Variants in YARS1 observed in about 807,000 individuals in gnomAD.
The protein encoded by YARS1 is tyrosyl-tRNA synthetase 1.
YARS1 carries 36 observed loss-of-function variants against 62.2 expected under a neutral mutation model. The observed-to-expected ratio is 0.58, with a 90% CI of 0.44 to 0.76. The LOEUF is 0.76. YARS1 is among the 30% of genes least tolerant of loss of function. The probability of loss-of-function intolerance (pLI) is 0.00; values close to 1 mark genes in which losing one functional copy is unlikely to be tolerated. For synonymous variants in YARS1, 234 were observed against 244.9 expected, an observed-to-expected ratio of 0.96 and a Z score of 0.42; for missense variants, 524 against 639.8, an observed-to-expected ratio of 0.82 and a Z score of 1.95.
At chr1:32,803,738 CTTTTT>C (rs1282400425) in intron 4 of YARS1, among the ~76,000 whole-genome samples, 7 of 147,712 alleles carry the variant, frequency 4.7e-5, no homozygotes, top group Admixed American at 4.7e-4. Flanking sequence ...TCACCTTGCA[CTTTTT>C]TTTTTTAATA....
chr1:32,786,487 G>T (rs1382623777), intron 7 of YARS1, 40 bp from the exon 8 acceptor site: 2 of 1,536,628 alleles, frequency 1.3e-6, no homozygotes, highest in East Asian at 4.5e-5. Flanking sequence ...CTCATTGACA[G>T]CATTCCTAGC....
intron 1 of YARS1, among the ~76,000 whole-genome samples, chr1:32,813,896 A>G (rs1638638774): frequency 7.7e-6 from 1 of 129,594 alleles, no homozygotes; most frequent in Non-Finnish European, 1.7e-5. Context: ...TTTTATTCTT[A>G]GTTTTCCTCG....
chr1:32,778,573 A>T (rs1652944059), intron 12 of YARS1, among the ~76,000 whole-genome samples: 1 of 150,328 alleles, frequency 6.7e-6, no homozygotes, highest in Admixed American at 6.6e-5. Flanking sequence ...CGCCCGGCCG[A>T]TTTTTTTCTA....
intron 3 of YARS1, 122 bp downstream of exon 3, chr1:32,810,469 G>T: frequency 2.3e-6 from 3 of 1,298,156 alleles, no homozygotes; most frequent in South Asian, 1.2e-5. Flanking sequence ...AGTTTTAAAT[G>T]GTTCTTAATA....
At chr1:32,803,866 TC>T in intron 4 of YARS1, among the ~76,000 whole-genome samples, 1 of 152,112 alleles carries the variant, frequency 6.6e-6, no homozygotes. Context: ...TCTCTGGTTT[TC>T]CTAGGCAGAG....
intron 6 of YARS1, chr1:32,790,788 C>T: frequency 3.9e-6 from 1 of 253,932 alleles, no homozygotes; most frequent in South Asian, 4.5e-5. Flanking sequence ...AAGAGGGACT[C>T]TTAAATATTA....
At chr1:32,803,363 C>A (rs1424266098) in intron 4 of YARS1, among the ~76,000 whole-genome samples, 1 of 150,342 alleles carries the variant, frequency 6.7e-6, no homozygotes, top group East Asian at 2.0e-4. Context: ...AACTCCTGGC[C>A]TCAAGTGATT....
chr1:32,808,367 C>T (rs750211312), intron 3 of YARS1, among the ~76,000 whole-genome samples: 14 of 151,748 alleles, frequency 9.2e-5, no homozygotes, highest in Non-Finnish European at 1.8e-4. Context: ...TACAGGCGTG[C>T]ACCACCACAC....
chr1:32,787,130 CAACT>C, intron 6 of YARS1, 55 bp from the exon 7 acceptor site: 2 of 1,608,814 alleles, frequency 1.2e-6, no homozygotes, highest in African/African-American at 1.3e-5. Context: ...AGAATATGCT[CAACT>C]AATATAAGTT....
At chr1:32,781,339 C>T (rs1206003412) in intron 9 of YARS1, 194 bp from the exon 10 acceptor site, 2 of 627,762 alleles carry the variant, frequency 3.2e-6, no homozygotes, top group Non-Finnish European at 5.8e-6. Flanking sequence ...CATCTGTTCT[C>T]TCCCTCAATT....
intron 5 of YARS1, among the ~76,000 whole-genome samples, chr1:32,796,851 G>C (rs1653598700): frequency 6.8e-6 from 1 of 147,534 alleles, no homozygotes; most frequent in Non-Finnish European, 1.5e-5. Context: ...TGTAATCCCA[G>C]CTACTCGGCA....
intron 8 of YARS1, among the ~76,000 whole-genome samples, chr1:32,785,994 G>A (rs1442050905): frequency 6.6e-6 from 1 of 151,720 alleles, no homozygotes; most frequent in East Asian, 1.9e-4. Flanking sequence ...TCTACTGAAT[G>A]AGTACTGCTT....
At position 32,775,919 on chromosome 1, in the gene YARS1, A is replaced by T; in HGVS notation, c.*62T>A. On this transcript the variant is annotated 3_prime_UTR_variant, in exon 13 of 13. Transcript: ENST00000373477. ...AGATGGGTAAATGGGTGATGGATGGAGCAGACTGAAGAGACAGCAGATGAC... is the reference window on the plus strand; with the variant it reads ...AGATGGGTAAATGGGTGATGGATGGTGCAGACTGAAGAGACAGCAGATGAC... The T allele has an allele frequency of 7.1e-7, 1 of 1,405,084 alleles. No homozygotes were observed. Among genetic ancestry groups the T allele is most frequent in the East Asian group, 2.3e-5 (1 of 43,848 alleles). The allele number at this position is 1,405,084 out of a possible 1,614,324, so 87.0% of individuals were successfully genotyped here. A position where few individuals can be genotyped will look rare whatever the true frequency, so the allele number is the denominator to read the frequency against.
Position 32,806,491 on chromosome 1 carries a change from G to A in YARS1, c.501C>T (p.Pro167=), listed in dbSNP as rs555572061. The A allele has an allele frequency of 2.1e-5, 34 of 1,614,074 alleles. No homozygotes were observed. Among genetic ancestry groups the A allele is most frequent in the East Asian group, 4.5e-5 (2 of 44,880 alleles). The change falls in exon 4 of 13, where the codon CCC becomes CCT. Residue 167 remains proline, a synonymous_variant. Coordinates refer to ENST00000373477, the MANE Select transcript of YARS1 (RefSeq NM_003680.4). ...CATCCCCCTTAAGTACCTGCAGTCC[G>A]GGGTATAAGAGGCCACTCAGCAAAG... ...EHPLLSGLLY[P]GLQALDEEYL... is the part of the protein sequence containing the mutation.
chr1:32,775,997 C>T lies in YARS1; in HGVS notation c.1571G>A (p.Gly524Glu), dbSNP rs201687117. ...CTGGGCTGGCTAGCTAATGTTCCCC[C>T]CTTTCAGCGATTTACAGGAAATGGA... ...LGSISCKSLK[G>E]GNIS Residue 524 changes from glycine (G) to glutamate (E), a missense_variant, in exon 13 of 13, where the codon GGG becomes GAG. Transcript: ENST00000373477. 7.4e-6 allele frequency: 12 copies of T among 1,613,954 alleles called. No individual in the cohort carries two copies. The South Asian group carries it at 7.7e-5, about 10-fold the overall frequency.
rs575864936 is a variant in YARS1 at position 32,794,773 on chromosome 1, C to T, written c.591+2990G>A. Among the ~76,000 whole-genome samples, 116 of 151,466 alleles carry T rather than the reference C, an allele frequency of 7.7e-4. 2 individuals carry two copies. In the South Asian group the frequency reaches 0.017, roughly 22 times the overall value. On this transcript the variant is annotated intron_variant, in intron 5 of 12. Transcript: ENST00000373477. ...CTGTAATCCCAGCACTTTGGGAGGC[C>T]GAGGCAGGTGGGTTACGAGGTCAGG...
At chr1:32,810,228 A>G (rs1638555166) in intron 3 of YARS1, among the ~76,000 whole-genome samples, 1 of 152,216 alleles carries the variant, frequency 6.6e-6, no homozygotes, top group African/African-American at 2.4e-5. Context: ...GTGAGAAATA[A>G]GTGAAATATT....
chr1:32,807,961 G>C (rs896666000), intron 3 of YARS1, among the ~76,000 whole-genome samples: 4 of 152,048 alleles, frequency 2.6e-5, no homozygotes, highest in Non-Finnish European at 5.9e-5. Context: ...CCAGGTTGCA[G>C]TATAATGGCA....
chr1:32,793,321 G>T (rs942317292), intron 5 of YARS1, among the ~76,000 whole-genome samples: 1 of 152,150 alleles, frequency 6.6e-6, no homozygotes, highest in African/African-American at 2.4e-5. Flanking sequence ...ATCTAAGCAG[G>T]ATAAATACAA....
Sources: gnomAD v4.1 joint callset for allele counts (sites outside exome capture counted in the v4.1 genomes callset) on GRCh38, gnomAD v4.1.1 for gene constraint, MANE v1.5 for transcripts, NCBI Gene and HGNC (gene_info 2026-07-23, HGNC 2026-07-21) for gene names.